Variants in SRSF4 observed in about 807,000 individuals in gnomAD.
The protein encoded by SRSF4 is serine and arginine rich splicing factor 4, also known as serine/arginine-rich splicing factor 4.
Under a neutral mutation model 48.8 loss-of-function variants are expected in SRSF4, and 12 were observed. The ratio of observed to expected loss-of-function variants is 0.25; its 90% CI spans 0.16 to 0.40. The LOEUF is 0.40. SRSF4 is among the 10% of genes least tolerant of loss of function. The pLI is 1.00. For missense variants in SRSF4, 466 were observed against 667.1 expected (o/e 0.70, Z 3.32); for synonymous variants, 248 against 232.5 (o/e 1.07, Z -0.61).
intron 4 of SRSF4, among the ~76,000 whole-genome samples, chr1:29,152,743 ACT>A (rs1019860382): frequency 1.6e-4 from 24 of 151,788 alleles, no homozygotes; most frequent in African/African-American, 5.6e-4. Flanking sequence ...ACATGGTGAA[ACT>A]CTGTCTCTAC....
intron 3 of SRSF4, among the ~76,000 whole-genome samples, chr1:29,156,396 T>TAA (rs1464155219): frequency 6.6e-6 from 1 of 151,774 alleles, no homozygotes; most frequent in Admixed American, 6.6e-5. Context: ...TAATATCCCC[T>TAA]AATTTGTTTT....
At chr1:29,159,624 A>C in intron 2 of SRSF4, 138 bp from the exon 3 acceptor site, 1 of 476,478 alleles carries the variant, frequency 2.1e-6, no homozygotes, top group Non-Finnish European at 3.7e-6. Context: ...CCCACCCTTA[A>C]TTCTAAAATA....
intron 1 of SRSF4, chr1:29,173,503 G>A (rs1318648177): frequency 9.7e-6 from 1 of 103,482 alleles, no homozygotes. Flanking sequence ...GTCTCACTCT[G>A]TTGCCCAGGC....
At chr1:29,152,673 CT>C (rs752553514) in intron 4 of SRSF4, among the ~76,000 whole-genome samples, 1 of 152,100 alleles carries the variant, frequency 6.6e-6, no homozygotes, top group Non-Finnish European at 1.5e-5. Context: ...AATCCAAGCA[CT>C]TTGGAAGGCC....
intron 1 of SRSF4, among the ~76,000 whole-genome samples, chr1:29,175,649 T>C (rs961130230): frequency 1.7e-5 from 2 of 117,966 alleles, no homozygotes; most frequent in African/African-American, 6.6e-5. Flanking sequence ...GAGCCGAGAT[T>C]GCGCCACTGC....
chr1:29,163,751 A>G (rs1215203035), intron 1 of SRSF4, among the ~76,000 whole-genome samples: 1 of 152,214 alleles, frequency 6.6e-6, no homozygotes, highest in Non-Finnish European at 1.5e-5. Flanking sequence ...AGAATATTAA[A>G]TAACTTGCAT....
intron 1 of SRSF4, among the ~76,000 whole-genome samples, chr1:29,175,003 A>G (rs1264807879): frequency 1.3e-5 from 2 of 149,784 alleles, no homozygotes; most frequent in East Asian, 3.9e-4. Context: ...AAAAAAAAAG[A>G]AAAGAAGAGA....
At chr1:29,166,090 T>C (rs1672665711) in intron 1 of SRSF4, 1 of 152,244 alleles carries the variant, frequency 6.6e-6, no homozygotes, top group Admixed American at 6.5e-5. Flanking sequence ...AATTTTCATC[T>C]GTTGAAGTTA....
chr1:29,179,628 T>C (rs1216895224), intron 1 of SRSF4, among the ~76,000 whole-genome samples: 1 of 152,206 alleles, frequency 6.6e-6, no homozygotes, highest in Admixed American at 6.5e-5. Flanking sequence ...CAAGTCACCA[T>C]GCCTGAGCCC....
chr1:29,175,626 C>T (rs1316055052), intron 1 of SRSF4, among the ~76,000 whole-genome samples: 1 of 119,340 alleles, frequency 8.4e-6, no homozygotes, highest in South Asian at 3.0e-4. Context: ...ACCCAGGAGG[C>T]GGAGCTTGCA....
rs760328259 is a variant in SRSF4 at position 29,148,885 on chromosome 1, T to TTGCTCC, written c.1004_1009dup (p.Arg335_Ser336dup). 2.5e-6 allele frequency: 4 copies of TTGCTCC among 1,604,530 alleles called. No individual in the cohort carries two copies. In the Admixed American group the frequency reaches 5.0e-5, roughly 20 times the overall value. On this transcript the variant is annotated inframe_insertion, in exon 6 of 6. Transcript: ENST00000373795. ...CCTGCTCCGGCTCCTGCTGCCCCCT[T>TTGCTCC]TGCTCCTGCTCCGGCTCCGACTCTG...
chr1:29,167,199 A>G (rs1340889980), intron 1 of SRSF4, among the ~76,000 whole-genome samples: 2 of 152,246 alleles, frequency 1.3e-5, no homozygotes, highest in Admixed American at 6.5e-5. Context: ...TTAGAAGTCT[A>G]TAACGACTCC....
chr1:29,164,321 G>A (rs183932180), intron 1 of SRSF4, among the ~76,000 whole-genome samples: 1 of 152,284 alleles, frequency 6.6e-6, no homozygotes, highest in East Asian at 1.9e-4. Flanking sequence ...ATTAATTAGT[G>A]CCTTCAACAA....
intron 3 of SRSF4, 106 bp downstream of exon 3, chr1:29,159,268 A>T: frequency 1.5e-6 from 1 of 668,242 alleles, no homozygotes; most frequent in South Asian, 2.0e-5. Context: ...AGGCTTTCAA[A>T]CATATAACAC....
intron 1 of SRSF4, chr1:29,172,710 CACTG>C (rs1215746261): frequency 6.6e-6 from 1 of 152,134 alleles, no homozygotes. Context: ...TGGTTATATG[CACTG>C]AGATACTTGA....
intron 1 of SRSF4, among the ~76,000 whole-genome samples, chr1:29,162,934 C>G (rs1672620580): frequency 6.6e-6 from 1 of 152,178 alleles, no homozygotes; most frequent in Non-Finnish European, 1.5e-5. Flanking sequence ...TCTGTCAGAC[C>G]TACATGGTAA....
At chr1:29,169,612 T>C (rs1019553781) in intron 1 of SRSF4, 2 of 152,222 alleles carry the variant, frequency 1.3e-5, no homozygotes, top group African/African-American at 2.4e-5. Context: ...AAGAAACTTA[T>C]ATCTCAGCAA....
rs775541822 is a variant in SRSF4, at chr1:29,148,937, C to T, written c.958G>A (p.Gly320Ser). 10 of 1,610,960 alleles carry T rather than the reference C, an allele frequency of 6.2e-6. No homozygotes were observed. The South Asian group carries it at 9.9e-5, about 16-fold the overall frequency. The change falls in exon 6 of 6, where the codon GGC becomes AGC. Residue 320 changes from glycine (G) to serine (S), a missense_variant. This residue lies in a region of SRSF4 where 402 missense variants were observed against 437.0 expected (regional missense o/e 0.92). Transcript: ENST00000373795. ...EEEKRGSVSR[G>S]RSQEKSLRQS... Reference sequence around the variant, plus strand: ...CGGAGGCTCTTCTCCTGGCTCCTGCCCCTGCTCACACTCCCTCGCTTCTCC... The same window carrying T: ...CGGAGGCTCTTCTCCTGGCTCCTGCTCCTGCTCACACTCCCTCGCTTCTCC...
At position 29,181,770 on chromosome 1, in the gene SRSF4, T is replaced by C; in HGVS notation, c.-18A>G. ...CGCGGCATCCCGGCAACGGCAGTGA[T>C]GGCTGGCCCCGGCCCCAGCCCCCCT... On this transcript the variant is annotated 5_prime_UTR_variant, in exon 1 of 6. Transcript: ENST00000373795. The C allele has an allele frequency of 1.9e-6, 3 of 1,561,494 alleles. No individual in the cohort carries two copies. The highest frequency in any genetic ancestry group is 5.2e-5 in the East Asian group (2 of 38,790).
Sources: allele counts gnomAD v4.1 joint callset (sites outside exome capture counted in the v4.1 genomes callset), GRCh38; gene constraint gnomAD v4.1.1; regional missense constraint gnomAD v4.1.1; transcripts MANE v1.5; gene names NCBI Gene and HGNC (gene_info 2026-07-23, HGNC 2026-07-21).